Variants in SGCD observed in about 807,000 individuals in gnomAD.
The protein encoded by SGCD is delta-sarcoglycan.
In SGCD, 18 loss-of-function variants were observed where a neutral mutation model predicts 36.6. The ratio of observed to expected loss-of-function variants is 0.49; its 90% CI spans 0.34 to 0.73. The LOEUF is 0.73. Among genes scored for constraint, SGCD ranks in the 30% least tolerant of loss-of-function variants. The probability of loss-of-function intolerance (pLI) is 0.01; values close to 1 mark genes in which losing one functional copy is unlikely to be tolerated. For synonymous variants in SGCD, 133 were observed against 130.6 expected (o/e 1.02, Z -0.12); for missense variants, 387 against 346.7 (o/e 1.12, Z -0.92).
At chr5:156,027,431 C>A (rs2127574773) in intron 1 of SGCD, among the ~76,000 whole-genome samples, 1 of 152,298 alleles carries the variant, frequency 6.6e-6, no homozygotes, top group Middle Eastern at 3.4e-3. Context: ...AATGCCAATA[C>A]AAATATGTCT....
At chr5:156,276,146 T>A (rs1766313214) in intron 3 of SGCD, among the ~76,000 whole-genome samples, 1 of 152,154 alleles carries the variant, frequency 6.6e-6, no homozygotes, top group Non-Finnish European at 1.5e-5. Context: ...TCTTCTATGA[T>A]ACAACCAGCT....
Position 156,021,259 on chromosome 5 carries a change from C to A in SGCD, c.-281-96619C>A, listed in dbSNP as rs1031765342. 5.3e-5 allele frequency among the ~76,000 whole-genome samples: 8 copies of A among 152,078 alleles called. No individual in the cohort carries two copies. The East Asian group carries it at 1.6e-3, about 29-fold the overall frequency. Reference sequence around the variant, plus strand: ...ATTTTTTAAAAAAGTTTAAATAAATCATTTATTTTTCAAATATGTATTGAG... The same window carrying A: ...ATTTTTTAAAAAAGTTTAAATAAATAATTTATTTTTCAAATATGTATTGAG... On this transcript the variant is annotated intron_variant, in intron 1 of 9. Coordinates refer to the SGCD transcript ENST00000517913.
the SGCD span, among the ~76,000 whole-genome samples, chr5:155,832,720 G>T: frequency 8.7e-6 from 1 of 115,124 alleles, no homozygotes; most frequent in Non-Finnish European, 2.0e-5. Context: ...AAATTGTTGA[G>T]TGAGTGAGTG....
chr5:156,098,512 C>G (rs183590776), intron 1 of SGCD, among the ~76,000 whole-genome samples: 3 of 151,850 alleles, frequency 2.0e-5, no homozygotes, highest in Non-Finnish European at 2.9e-5. Flanking sequence ...TTTCATAATA[C>G]AATTATAGTT....
intron 1 of SGCD, among the ~76,000 whole-genome samples, chr5:155,934,601 T>C (rs1357274560): frequency 6.6e-6 from 1 of 152,276 alleles, no homozygotes; most frequent in Admixed American, 6.5e-5. Flanking sequence ...CAGCTCTTGG[T>C]AATTGTATTG....
At chr5:156,348,635 C>T (rs1186511668) in intron 3 of SGCD, among the ~76,000 whole-genome samples, 2 of 152,152 alleles carry the variant, frequency 1.3e-5, no homozygotes, top group East Asian at 3.9e-4. Context: ...ATCCCATGCT[C>T]ATGAATTGAA....
At chr5:156,051,538 CTATAA>C (rs1475195031) in intron 1 of SGCD, among the ~76,000 whole-genome samples, 1 of 146,130 alleles carries the variant, frequency 6.8e-6, no homozygotes, top group Non-Finnish European at 1.5e-5. Flanking sequence ...ACAACAAATA[CTATAA>C]TATATTTATT....
At chr5:155,850,418 C>CAG in the SGCD span, among the ~76,000 whole-genome samples, 4,346 of 149,186 alleles carry the variant, frequency 0.029, 91 homozygotes, top group East Asian at 0.13. Flanking sequence ...GAGACAGAGA[C>CAG]AGAGAGAGAG....
intron 1 of SGCD, among the ~76,000 whole-genome samples, chr5:155,995,408 G>GT (rs1431090662): frequency 6.6e-6 from 1 of 152,134 alleles, no homozygotes; most frequent in African/African-American, 2.4e-5. Flanking sequence ...TCTACAGCAA[G>GT]TTTTTTATAT....
At chr5:156,171,284 G>A (rs994830883) in intron 3 of SGCD, among the ~76,000 whole-genome samples, 8 of 152,286 alleles carry the variant, frequency 5.3e-5, no homozygotes, top group South Asian at 4.1e-4. Flanking sequence ...CTTGGTTAAC[G>A]CAAGCTTATG....
At chr5:156,169,782 G>A (rs1422910006) in intron 3 of SGCD, among the ~76,000 whole-genome samples, 1 of 152,124 alleles carries the variant, frequency 6.6e-6, no homozygotes, top group African/African-American at 2.4e-5. Context: ...GAGGTTCCGA[G>A]TGGGATTGGC....
chr5:155,905,354 CT>C (rs912186600), intron 1 of SGCD, among the ~76,000 whole-genome samples: 45 of 151,278 alleles, frequency 3.0e-4, no homozygotes, highest in African/African-American at 9.2e-4. Context: ...TTATTAGTTA[CT>C]TTTTTTTTGG....
At chr5:155,740,029 A>T in the SGCD span, among the ~76,000 whole-genome samples, 1 of 152,314 alleles carries the variant, frequency 6.6e-6, no homozygotes, top group South Asian at 2.1e-4. Context: ...ACTAGCTCAA[A>T]CAGAAATAAA....
At chr5:156,143,942 GT>G (rs1344486370) in intron 3 of SGCD, among the ~76,000 whole-genome samples, 8 of 129,834 alleles carry the variant, frequency 6.2e-5, no homozygotes, top group Non-Finnish European at 1.2e-4. Context: ...CTGTGTCCAT[GT>G]TTTCTCATTG....
At chr5:155,943,707 T>A (rs1436529997) in intron 1 of SGCD, among the ~76,000 whole-genome samples, 1 of 152,138 alleles carries the variant, frequency 6.6e-6, no homozygotes, top group African/African-American at 2.4e-5. Flanking sequence ...TGGGGGTTGC[T>A]CAACCCTACA....
intron 7 of SGCD, among the ~76,000 whole-genome samples, chr5:156,732,124 A>T (rs1223995935): frequency 6.6e-6 from 1 of 152,104 alleles, no homozygotes; most frequent in African/African-American, 2.4e-5. Context: ...TCCTATTTGA[A>T]TGCCCTTTAT....
chr5:156,412,644 AG>A (rs1396159415), intron 3 of SGCD, among the ~76,000 whole-genome samples: 1 of 152,240 alleles, frequency 6.6e-6, no homozygotes, highest in Non-Finnish European at 1.5e-5. Flanking sequence ...CTGTCTCCAG[AG>A]TCAAAGAACT....
the SGCD span, among the ~76,000 whole-genome samples, chr5:155,784,566 G>T: frequency 6.6e-6 from 1 of 151,770 alleles, no homozygotes; most frequent in African/African-American, 2.4e-5. Flanking sequence ...AGTTAGGCTT[G>T]GTGAGGGGCA....
At chr5:155,757,190 T>G in the SGCD span, among the ~76,000 whole-genome samples, 12 of 152,294 alleles carry the variant, frequency 7.9e-5, no homozygotes, top group African/African-American at 2.2e-4. Context: ...TTGCAAGAGA[T>G]AGAGTTTATA....
Sources: allele counts gnomAD v4.1 joint callset (sites outside exome capture counted in the v4.1 genomes callset), GRCh38; gene constraint gnomAD v4.1.1; transcripts MANE v1.5; gene names NCBI Gene and HGNC (gene_info 2026-07-23, HGNC 2026-07-21).